The following ASXL3 variants were observed in gnomAD, a reference collection of about 807,000 sequenced individuals.
ASXL3 encodes the protein putative Polycomb group protein ASXL3.
ASXL3 carries 34 observed loss-of-function variants against 170.6 expected under a neutral mutation model. That is an observed-to-expected ratio of 0.20 (90% CI 0.15 to 0.27). The LOEUF (loss-of-function observed/expected upper bound fraction) is 0.27. ASXL3 is among the 10% of genes least tolerant of loss of function. The probability of loss-of-function intolerance (pLI) is 1.00; values close to 1 mark genes in which losing one functional copy is unlikely to be tolerated. For missense variants in ASXL3, 2,592 were observed against 2,695.3 expected, an observed-to-expected ratio of 0.96 and a Z score of 0.85; for synonymous variants, 1,002 against 989.1, an observed-to-expected ratio of 1.01 and a Z score of -0.24.
rs754293716 is a variant in ASXL3 at position 33,745,894 on chromosome 18, C to T, written c.6046C>T (p.His2016Tyr). 1.9e-6 allele frequency: 3 copies of T among 1,611,850 alleles called. No individual in the cohort carries two copies. The highest frequency in any genetic ancestry group is 1.3e-5 in the African/African-American group (1 of 74,820). The change falls in exon 12 of 12, where the codon CAT becomes TAT. Residue 2016 changes from histidine (H) to tyrosine (Y), a missense_variant. By Grantham distance (83) the His-to-Tyr change is moderately conservative. Transcript: ENST00000269197. ...AHTMPNKALV[H>Y]PPPPPPPPPP... ...CACAATGCCAAACAAAGCACTAGTA[C>T]ATCCGCCGCCGCCACCGCCTCCCCC...
intron 2 of ASXL3, among the ~76,000 whole-genome samples, chr18:33,637,902 T>C (rs953418551): frequency 3.3e-5 from 5 of 152,174 alleles, no homozygotes; most frequent in Non-Finnish European, 7.3e-5. Context: ...TCATTTCATA[T>C]GTATTCAGAA....
intron 2 of ASXL3, among the ~76,000 whole-genome samples, chr18:33,632,142 T>TA (rs753796804): frequency 2.0e-5 from 3 of 152,140 alleles, no homozygotes; most frequent in African/African-American, 2.4e-5. Context: ...GCTTCCTACT[T>TA]ACAGGTTATT....
chr18:33,578,603 A>G lies in ASXL3; in HGVS notation c.-29A>G. On this transcript the variant is annotated 5_prime_UTR_variant, in exon 1 of 12. Transcript: ENST00000269197. ...AGCACCCCGTGGAATCCCCCACGTC[A>G]TCATCAGAACCATCAATGAGATGCA... 1 of 1,285,906 alleles carries G rather than the reference A, an allele frequency of 7.8e-7. No individual in the cohort carries two copies. Among genetic ancestry groups the G allele is most frequent in the Non-Finnish European group, 1.0e-6 (1 of 987,782 alleles). 79.7% of individuals were successfully genotyped at this position (1,285,906 alleles called of 1,614,324 possible).
At position 33,739,826 on chromosome 18, in the gene ASXL3, C is replaced by T; in HGVS notation, c.2422C>T (p.Pro808Ser). Residue 808 changes from proline (P) to serine (S), a missense_variant, in exon 11 of 12, where the codon CCC becomes TCC. Transcript: ENST00000269197. Reference protein sequence around the residue: ...TSQQKNLSNTPEPIIMSSSSI... With the variant: ...TSQQKNLSNTSEPIIMSSSSI... ...CCAGCAGAAGAATCTGTCTAATACT[C>T]CCGAACCCATCATAATGAGTTCTTC... The T allele has an allele frequency of 6.2e-7, 1 of 1,613,918 alleles. No individual in the cohort carries two copies. Among genetic ancestry groups the T allele is most frequent in the Non-Finnish European group, 8.5e-7 (1 of 1,179,842 alleles).
Position 33,675,762 on chromosome 18 carries a change from T to C in ASXL3, c.715+3896T>C, listed in dbSNP as rs1038637127. Among the ~76,000 whole-genome samples the C allele has an allele frequency of 2.6e-5, 4 of 152,196 alleles. No homozygotes were observed. The East Asian group carries it at 7.8e-4, about 30-fold the overall frequency. Reference sequence around the variant, plus strand: ...GCCTAAGAGACAATGGACCCCAGTATGTTCTCTCAACACTCTTCAGTACAG... The same window carrying C: ...GCCTAAGAGACAATGGACCCCAGTACGTTCTCTCAACACTCTTCAGTACAG... On this transcript the variant is annotated intron_variant, in intron 7 of 11. Coordinates refer to ENST00000269197, the MANE Select transcript of ASXL3 (RefSeq NM_030632.3).
rs1309707640 is a variant in ASXL3 at position 33,646,409 on chromosome 18, A to G, written c.355+56A>G. The G allele has an allele frequency of 1.3e-5, 16 of 1,228,952 alleles. No homozygotes were observed. In the Admixed American group the frequency reaches 3.3e-4, roughly 25 times the overall value. 76.1% of individuals were successfully genotyped at this position (1,228,952 alleles called of 1,614,324 possible). On this transcript the variant is annotated intron_variant, in intron 4 of 11. Coordinates refer to ENST00000269197, the MANE Select transcript of ASXL3 (RefSeq NM_030632.3). ...CTTGTTCTCTTAAAAGTTATATAGA[A>G]TGCCAATGATTCATTAATTGAATTT...
chr18:33,622,466 C>T (rs1057352211), intron 2 of ASXL3, among the ~76,000 whole-genome samples: 2 of 152,116 alleles, frequency 1.3e-5, no homozygotes, highest in Admixed American at 6.6e-5. Context: ...TAGCTGTTTA[C>T]TTTATAGCAC....
intron 8 of ASXL3, among the ~76,000 whole-genome samples, chr18:33,696,431 A>G (rs1174275726): frequency 6.6e-6 from 1 of 152,130 alleles, no homozygotes; most frequent in Non-Finnish European, 1.5e-5. Flanking sequence ...CCCCATTAAT[A>G]TATTTCCTTA....
chr18:33,649,226 G>A (rs148531967), intron 4 of ASXL3, among the ~76,000 whole-genome samples: 17 of 152,130 alleles, frequency 1.1e-4, no homozygotes, highest in African/African-American at 4.1e-4. Context: ...GTTAGATGAG[G>A]GAGAATGGGA....
Position 33,746,345 on chromosome 18 carries a change from G to A in ASXL3, c.6497G>A (p.Arg2166Lys), listed in dbSNP as rs1033312425. Residue 2166 changes from arginine (R) to lysine (K), a missense_variant, in exon 12 of 12, where the codon AGG becomes AAG. This residue lies in a region of ASXL3 where 2,246 missense variants were observed against 2,219.6 expected (regional missense o/e 1.01). Transcript: ENST00000269197. ...TIHFGSTSFK[R>K]AASAIEKSIG... ...CACTTTGGTAGCACGAGTTTCAAAA[G>A]GGCAGCATCTGCAATTGAAAAGTCC... is the stretch of plus-strand genomic sequence containing the variant. The A allele has an allele frequency of 6.2e-7, 1 of 1,613,960 alleles. No homozygotes were observed. The highest frequency in any genetic ancestry group is 2.2e-5 in the East Asian group (1 of 44,862).
rs571326178 is a variant in ASXL3, at chr18:33,718,337, TAAAG to T, written c.880-13626_880-13623del. Among the ~76,000 whole-genome samples the T allele has an allele frequency of 7.9e-5, 12 of 152,154 alleles. No homozygotes were observed. In the South Asian group the frequency reaches 1.0e-3, roughly 13 times the overall value. The stretch of plus-strand genomic sequence containing the variant: ...ACATATAATTTTGTCTCTCAACTGA[TAAAG>T]AAAGGAGCAGCACCCAAATGAGTTG... On this transcript the variant is annotated intron_variant, in intron 8 of 11. Transcript: ENST00000269197.
At chr18:33,734,513 A>C in intron 10 of ASXL3, 98 bp downstream of exon 10, 1 of 649,408 alleles carries the variant, frequency 1.5e-6, no homozygotes, top group Non-Finnish European at 2.4e-6. Flanking sequence ...AAACTTAATA[A>C]ACCTGTGATA....
At chr18:33,582,833 C>A (rs978450615) in intron 1 of ASXL3, among the ~76,000 whole-genome samples, 2 of 151,546 alleles carry the variant, frequency 1.3e-5, no homozygotes, top group Admixed American at 6.6e-5. Context: ...TAACCTTTTA[C>A]GACACAGCAG....
intron 8 of ASXL3, among the ~76,000 whole-genome samples, chr18:33,715,423 A>G (rs2067148328): frequency 6.6e-6 from 1 of 152,232 alleles, no homozygotes; most frequent in East Asian, 1.9e-4. Flanking sequence ...GCCCCATATT[A>G]TCACTTTGCT....
At chr18:33,694,731 T>A (rs1298355881) in intron 8 of ASXL3, among the ~76,000 whole-genome samples, 2 of 152,160 alleles carry the variant, frequency 1.3e-5, no homozygotes, top group Non-Finnish European at 2.9e-5. Flanking sequence ...GAGTAGGTAC[T>A]GTGTAGGCTC....
At position 33,698,104 on chromosome 18, in the gene ASXL3, T is replaced by G. The variant is rs2066804580; in HGVS notation, c.879+14536T>G. Among the ~76,000 whole-genome samples, 3 of 152,110 alleles carry G rather than the reference T, an allele frequency of 2.0e-5. No individual in the cohort carries two copies. The South Asian group carries it at 6.2e-4, about 31-fold the overall frequency. The stretch of plus-strand genomic sequence containing the variant: ...TGGAACTTGAACTCCAAGCTGATGT[T>G]ATCAAGAGATGTGGGGCCTTTTGAG... On this transcript the variant is annotated intron_variant, in intron 8 of 11. Coordinates refer to ENST00000269197, the MANE Select transcript of ASXL3 (RefSeq NM_030632.3).
At chr18:33,671,908 T>G (rs2066349981) in intron 7 of ASXL3, 42 bp downstream of exon 7, 4 of 1,467,070 alleles carry the variant, frequency 2.7e-6, no homozygotes, top group Non-Finnish European at 3.6e-6. Context: ...TTTTAGAAAT[T>G]TGTGTTTTCT....
chr18:33,623,603 T>C (rs1234177369), intron 2 of ASXL3, among the ~76,000 whole-genome samples: 1 of 152,130 alleles, frequency 6.6e-6, no homozygotes, highest in African/African-American at 2.4e-5. Context: ...TGTTAGAAAT[T>C]TGGAGAAAGA....
chr18:33,614,307 A>T (rs1246280589), intron 2 of ASXL3: 2 of 152,166 alleles, frequency 1.3e-5, no homozygotes, highest in African/African-American at 4.8e-5. Flanking sequence ...TTATCTCAAG[A>T]AACTACCTTC....
Sources: allele counts gnomAD v4.1 joint callset (sites outside exome capture counted in the v4.1 genomes callset), GRCh38; gene constraint gnomAD v4.1.1; regional missense constraint gnomAD v4.1.1; transcripts MANE v1.5; gene names NCBI Gene and HGNC (gene_info 2026-07-23, HGNC 2026-07-21).